The following PCDHA1 variants were observed in gnomAD, a reference collection of about 807,000 sequenced individuals.
The protein encoded by PCDHA1 is protocadherin alpha 1.
PCDHA1 carries 42 observed loss-of-function variants against 61.3 expected under a neutral mutation model. The ratio of observed to expected loss-of-function variants is 0.69; its 90% CI spans 0.54 to 0.89. The LOEUF (loss-of-function observed/expected upper bound fraction) is 0.89. Ranked by LOEUF, PCDHA1 falls within the 40% of genes least tolerant of loss-of-function variation. PCDHA1 has a pLI of 0.00. For missense variants in PCDHA1, 1,256 were observed against 1,235.3 expected (o/e 1.02, Z -0.25); for synonymous variants, 610 against 553.8 (o/e 1.10, Z -1.43).
At chr5:140,967,681 G>A (rs367838143) in intron 1 of PCDHA1, 12 of 1,614,086 alleles carry the variant, frequency 7.4e-6, no homozygotes, top group Non-Finnish European at 9.3e-6. Flanking sequence ...ACCGGGAGAG[G>A]CAGCTCTTCA....
At chr5:140,804,667 T>A (rs1763434911) in intron 1 of PCDHA1, 1 of 158,868 alleles carries the variant, frequency 6.3e-6, no homozygotes, top group Admixed American at 6.5e-5. Flanking sequence ...ATGCAATAAG[T>A]AGAAAACTCC....
At chr5:140,861,503 C>T in intron 1 of PCDHA1, 3 of 478,536 alleles carry the variant, frequency 6.3e-6, no homozygotes, top group South Asian at 4.8e-5. Flanking sequence ...TGATAGACCT[C>T]GAGGAGCTGT....
chr5:140,804,964 C>T, intron 1 of PCDHA1: 1 of 1,445,410 alleles, frequency 6.9e-7, no homozygotes, highest in Non-Finnish European at 9.2e-7. Flanking sequence ...AAGTAGTAGC[C>T]ATAGTGTGTC....
chr5:140,953,476 G>A (rs1554220931), intron 1 of PCDHA1, among the ~76,000 whole-genome samples: 2 of 152,088 alleles, frequency 1.3e-5, no homozygotes. Flanking sequence ...ACTTCCTCAT[G>A]CTGTGTCACA....
At chr5:140,991,183 A>G (rs3776108) in intron 3 of PCDHA1, among the ~76,000 whole-genome samples, 7,613 of 152,310 alleles carry the variant, frequency 0.05, 238 homozygotes, top group South Asian at 0.11. Flanking sequence ...CAGGATGCCT[A>G]GCACACAATG....
intron 1 of PCDHA1, chr5:140,835,670 C>G (rs1554135177): frequency 1.2e-6 from 2 of 1,613,852 alleles, no homozygotes; most frequent in East Asian, 2.2e-5. Context: ...CCGCGCGGGA[C>G]GGGGGCTCGC....
chr5:140,850,266 G>A, intron 1 of PCDHA1: 2 of 1,594,736 alleles, frequency 1.3e-6, no homozygotes, highest in Non-Finnish European at 8.6e-7. Context: ...CGGCGTAGTG[G>A]TGGGGAAGGT....
chr5:140,839,620 G>T (rs1299548975), intron 1 of PCDHA1, among the ~76,000 whole-genome samples: 2 of 151,980 alleles, frequency 1.3e-5, no homozygotes, highest in Non-Finnish European at 2.9e-5. Flanking sequence ...AAACTCCTGA[G>T]ATATCGAGAA....
At chr5:140,849,264 A>T (rs2150433927) in intron 1 of PCDHA1, 1 of 1,131,868 alleles carries the variant, frequency 8.8e-7, no homozygotes, top group East Asian at 2.6e-5. Context: ...AAACGTTTCT[A>T]TCGGAACGCT....
chr5:140,805,204 A>G lies in PCDHA1; in HGVS notation c.2394+16520A>G, dbSNP rs956431518. ...CCAAATAAATATTGAATAGCTACCA[A>G]ATAAACATTGTTTTCTATTCTGCTG... On this transcript the variant is annotated intron_variant, in intron 1 of 3. Transcript: ENST00000504120. 5.6e-6 allele frequency: 8 copies of G among 1,437,732 alleles called. No individual in the cohort carries two copies. The Admixed American group carries it at 2.1e-4, about 37-fold the overall frequency. 89.1% of individuals were successfully genotyped at this position (1,437,732 alleles called of 1,614,324 possible).
At chr5:140,821,299 A>G (rs1290042518) in intron 1 of PCDHA1, among the ~76,000 whole-genome samples, 1 of 152,208 alleles carries the variant, frequency 6.6e-6, no homozygotes, top group Non-Finnish European at 1.5e-5. Context: ...TCCTCCCTAT[A>G]TAAAATACAC....
At chr5:140,976,970 C>A (rs1294728864) in intron 1 of PCDHA1, among the ~76,000 whole-genome samples, 3 of 152,140 alleles carry the variant, frequency 2.0e-5, no homozygotes, top group African/African-American at 7.2e-5. Context: ...CTTTCCTTTT[C>A]CCTGCCTGAT....
intron 1 of PCDHA1, chr5:140,870,006 G>A (rs1554163702): frequency 1.2e-6 from 2 of 1,613,604 alleles, no homozygotes; most frequent in Non-Finnish European, 1.7e-6. Flanking sequence ...ATGGAGAAGT[G>A]AGGGTCAATG....
At chr5:140,837,965 A>G (rs1208755583) in intron 1 of PCDHA1, among the ~76,000 whole-genome samples, 1 of 151,758 alleles carries the variant, frequency 6.6e-6, no homozygotes, top group Non-Finnish European at 1.5e-5. Flanking sequence ...AGACACGAAC[A>G]ACCACACCCA....
At chr5:140,796,069 A>G in intron 1 of PCDHA1, 7 of 1,614,190 alleles carry the variant, frequency 4.3e-6, no homozygotes, top group Non-Finnish European at 5.9e-6. Context: ...GGGCACTGTC[A>G]TTGCTCTCAT....
chr5:140,968,923 T>G lies in PCDHA1; in HGVS notation c.2395-10026T>G, dbSNP rs140504777. The G allele has an allele frequency of 2.9e-3, 4,668 of 1,614,212 alleles. 4 individuals are homozygous for G. Among genetic ancestry groups the G allele is most frequent in the Non-Finnish European group, 3.3e-3 (3,916 of 1,180,046 alleles). ...CATTAAGCACAGTGTCTTTTATATT[T>G]CTTTTGACAATCATCATTTTGAGCA... On this transcript the variant is annotated intron_variant, in intron 1 of 3. Coordinates refer to ENST00000504120, the MANE Select transcript of PCDHA1 (RefSeq NM_018900.4).
At chr5:140,937,020 G>A (rs2091265832) in intron 1 of PCDHA1, among the ~76,000 whole-genome samples, 1 of 151,388 alleles carries the variant, frequency 6.6e-6, no homozygotes. Flanking sequence ...CGATTAACAA[G>A]GTATATTCTT....
Position 140,843,203 on chromosome 5 carries a change from A to T in PCDHA1, c.2394+54519A>T, listed in dbSNP as rs149174279. 6.3e-7 allele frequency: 1 copy of T among 1,595,824 alleles called. No homozygotes were observed. The highest frequency in any genetic ancestry group is 1.3e-5 in the African/African-American group (1 of 74,416). ...CATCCCGTTCCGCGTGGGGCTGTAC[A>T]CGGGCGAGATCAGCACCACTCGTGT... On this transcript the variant is annotated intron_variant, in intron 1 of 3. Transcript: ENST00000504120.
Position 140,786,807 on chromosome 5 carries a change from A to T in PCDHA1, c.517A>T (p.Ser173Cys), listed in dbSNP as rs1761333290. 1 of 1,614,242 alleles carries T rather than the reference A, an allele frequency of 6.2e-7. No homozygotes were observed. The highest frequency in any genetic ancestry group is 2.2e-5 in the East Asian group (1 of 44,896). ...GANALLTYTL[S>C]PSDYFSLDVE... ...TAACGCTCTTCTAACGTACACGCTC[A>T]GCCCGAGTGATTATTTCTCTTTGGA... The change falls in exon 1 of 4, where the codon AGC becomes TGC. Residue 173 changes from serine (S) to cysteine (C), a missense_variant. Coordinates refer to ENST00000504120, the MANE Select transcript of PCDHA1 (RefSeq NM_018900.4).
Sources: gnomAD v4.1 joint callset for allele counts (sites outside exome capture counted in the v4.1 genomes callset) on GRCh38, gnomAD v4.1.1 for gene constraint, MANE v1.5 for transcripts, NCBI Gene and HGNC (gene_info 2026-07-23, HGNC 2026-07-21) for gene names.